GPHN: variants seen among roughly 807,000 people sequenced by gnomAD.
GPHN encodes the protein gephyrin.
A neutral mutation model predicts 95.5 loss-of-function variants in GPHN; 17 were observed. The observed-to-expected ratio is 0.18, with a 90% CI of 0.12 to 0.27. GPHN has a LOEUF of 0.27. Among genes scored for constraint, GPHN ranks in the 10% least tolerant of loss-of-function variants. GPHN has a pLI of 1.00. For synonymous variants in GPHN, 320 were observed against 322.5 expected (o/e 0.99, Z 0.08); for missense variants, 660 against 978.1 (o/e 0.67, Z 4.34).
chr14:66,567,845 T>C (rs921934162), intron 1 of GPHN, among the ~76,000 whole-genome samples: 4 of 152,224 alleles, frequency 2.6e-5, no homozygotes, highest in African/African-American at 9.6e-5. Context: ...ATTGTGGGTA[T>C]ACTTATGTAC....
the GPHN span, chr14:67,533,251 C>G: frequency 6.6e-6 from 1 of 151,956 alleles, no homozygotes; most frequent in Non-Finnish European, 1.5e-5. Flanking sequence ...TCGCCCCGCC[C>G]CGCAGCCCAC....
the GPHN span, among the ~76,000 whole-genome samples, chr14:67,245,221 A>T: frequency 6.6e-6 from 1 of 152,246 alleles, no homozygotes; most frequent in African/African-American, 2.4e-5. Flanking sequence ...GGAAACTAAT[A>T]CATTGTCAGG....
chr14:67,644,745 T>G, the GPHN span, among the ~76,000 whole-genome samples: 1 of 152,206 alleles, frequency 6.6e-6, no homozygotes, highest in Admixed American at 6.5e-5. Context: ...ACGCCTGTAA[T>G]CCTAGCACTT....
At chr14:67,120,447 C>A (rs936059355) in intron 16 of GPHN, among the ~76,000 whole-genome samples, 2 of 152,108 alleles carry the variant, frequency 1.3e-5, no homozygotes, top group Admixed American at 1.3e-4. Context: ...ATTTAACTAG[C>A]TATTTTTTCG....
At chr14:66,733,028 A>G (rs911212046) in intron 2 of GPHN, among the ~76,000 whole-genome samples, 1 of 152,150 alleles carries the variant, frequency 6.6e-6, no homozygotes, top group Non-Finnish European at 1.5e-5. Context: ...CACCCATATC[A>G]CATCTTGAAT....
chr14:67,300,336 C>CTTTTTTTTTTTTTTTTTT, the GPHN span, among the ~76,000 whole-genome samples: 1,395 of 138,604 alleles, frequency 0.01, 40 homozygotes, highest in African/African-American at 0.02. Flanking sequence ...TATGAATTAC[C>CTTTTTTTTTTTTTTTTTT]TTTTTTTTTT....
the GPHN span, among the ~76,000 whole-genome samples, chr14:67,672,437 C>CTT: frequency 2.3e-5 from 2 of 88,416 alleles, no homozygotes; most frequent in African/African-American, 8.0e-5. Context: ...ACTTTTTTTT[C>CTT]TTTTCTTTTC....
At chr14:67,540,733 T>C in the GPHN span, among the ~76,000 whole-genome samples, 1 of 152,202 alleles carries the variant, frequency 6.6e-6, no homozygotes, top group East Asian at 1.9e-4. Flanking sequence ...AAATTTATAC[T>C]TTTTGGGAAG....
At chr14:67,672,812 CCAT>C in the GPHN span, among the ~76,000 whole-genome samples, 1 of 152,140 alleles carries the variant, frequency 6.6e-6, no homozygotes, top group East Asian at 1.9e-4. Flanking sequence ...TAACTGCATC[CCAT>C]CATATTTAGA....
intron 1 of GPHN, among the ~76,000 whole-genome samples, chr14:66,640,283 G>C (rs912810008): frequency 6.6e-6 from 1 of 152,024 alleles, no homozygotes; most frequent in Non-Finnish European, 1.5e-5. Flanking sequence ...TTGGCTGGGC[G>C]TGGTGGCACG....
chr14:66,925,144 G>A (rs992957830), intron 8 of GPHN, among the ~76,000 whole-genome samples: 3 of 152,104 alleles, frequency 2.0e-5, no homozygotes, highest in African/African-American at 7.2e-5. Flanking sequence ...TTTTAATTTT[G>A]TGGGGTACAT....
chr14:66,655,051 T>C (rs2065234991), intron 1 of GPHN, among the ~76,000 whole-genome samples: 1 of 152,214 alleles, frequency 6.6e-6, no homozygotes, highest in African/African-American at 2.4e-5. Context: ...TTGAGAAGAC[T>C]GATACCTCAC....
chr14:67,152,509 T>G (rs1043697125), intron 18 of GPHN, among the ~76,000 whole-genome samples: 49 of 152,116 alleles, frequency 3.2e-4, no homozygotes, highest in African/African-American at 1.1e-3. Flanking sequence ...CAAAGGAGAA[T>G]TCAAAGAATA....
At chr14:67,562,429 C>G in the GPHN span, 1 of 1,613,918 alleles carries the variant, frequency 6.2e-7, no homozygotes, top group South Asian at 1.1e-5. Context: ...GCCCTCCCCA[C>G]CAGCCATGCA....
At chr14:67,263,370 C>A in the GPHN span, among the ~76,000 whole-genome samples, 2 of 151,940 alleles carry the variant, frequency 1.3e-5, no homozygotes, top group African/African-American at 4.8e-5. Flanking sequence ...TACTTAAGGT[C>A]AGAGCTCAAC....
chr14:67,383,235 C>A, the GPHN span: 1 of 1,470,744 alleles, frequency 6.8e-7, no homozygotes, highest in Non-Finnish European at 9.2e-7. Flanking sequence ...AGAGAGAAAA[C>A]ATTAGGCAGT....
chr14:66,675,677 C>G (rs188337467), intron 1 of GPHN, among the ~76,000 whole-genome samples: 3 of 151,288 alleles, frequency 2.0e-5, no homozygotes, highest in Admixed American at 6.6e-5. Context: ...TCTTTAAAAT[C>G]TTTGCTTAGA....
intron 3 of GPHN, among the ~76,000 whole-genome samples, chr14:66,805,980 C>G (rs1288894603): frequency 6.6e-6 from 1 of 152,228 alleles, no homozygotes; most frequent in African/African-American, 2.4e-5. Context: ...CATTTCTCTT[C>G]TGCACTGCCC....
At chr14:66,802,257 T>C (rs1192088416) in intron 3 of GPHN, among the ~76,000 whole-genome samples, 1 of 152,178 alleles carries the variant, frequency 6.6e-6, no homozygotes, top group Non-Finnish European at 1.5e-5. Flanking sequence ...ATCTCAGGCT[T>C]ATGGCGAGTA....
Sources: allele counts gnomAD v4.1 joint callset (sites outside exome capture counted in the v4.1 genomes callset), GRCh38; gene constraint gnomAD v4.1.1; transcripts MANE v1.5; gene names NCBI Gene and HGNC (gene_info 2026-07-23, HGNC 2026-07-21).